Variants in SENP1 observed in about 807,000 individuals in gnomAD.
SENP1 encodes SUMO specific peptidase 1, also known as sentrin-specific protease 1.
In SENP1, 21 loss-of-function variants were observed where a neutral mutation model predicts 93.0. The ratio of observed to expected loss-of-function variants is 0.23; its 90% CI spans 0.16 to 0.33. The LOEUF is 0.33. SENP1 is among the 10% of genes least tolerant of loss of function. The pLI is 1.00. For synonymous variants in SENP1, 256 were observed against 259.6 expected (o/e 0.99, Z 0.13); for missense variants, 591 against 758.7 (o/e 0.78, Z 2.60).
At chr12:48,100,901 G>A (rs1253585226) in intron 2 of SENP1, among the ~76,000 whole-genome samples, 1 of 152,232 alleles carries the variant, frequency 6.6e-6, no homozygotes, top group Non-Finnish European at 1.5e-5. Flanking sequence ...CTAGTACACA[G>A]TAAATGTTTG....
chr12:48,086,732 T>C lies in SENP1; in HGVS notation c.380+2069A>G, dbSNP rs187626033. Among the ~76,000 whole-genome samples, 260 of 152,084 alleles carry C rather than the reference T, an allele frequency of 1.7e-3. 1 individual carries two copies. The highest frequency in any genetic ancestry group is 6.1e-3 in the African/African-American group (253 of 41,466). On this transcript the variant is annotated intron_variant, in intron 5 of 17. Coordinates refer to ENST00000549518, the MANE Select transcript of SENP1 (RefSeq NM_001267594.2). ...AGTAGAACATTATACAGAAAAGTCA[T>C]GTCATTTAAAAAAAGGAGGCTGAGG... is the stretch of plus-strand genomic sequence containing the variant.
intron 5 of SENP1, chr12:48,085,400 C>T (rs1345887417): frequency 4.9e-6 from 6 of 1,232,158 alleles, no homozygotes; most frequent in Non-Finnish European, 4.7e-6. Context: ...GGGGCATGTT[C>T]ACTGCCGAAG....
At chr12:48,048,792 T>C in intron 14 of SENP1, 137 bp downstream of exon 14, 1 of 637,566 alleles carries the variant, frequency 1.6e-6, no homozygotes, top group Non-Finnish European at 2.7e-6. Context: ...TAGATCTATC[T>C]GATTTTAGTC....
chr12:48,048,000 C>G lies in SENP1; in HGVS notation c.1691+1G>C. 6.3e-7 allele frequency: 1 copy of G among 1,592,852 alleles called. No homozygotes were observed. The highest frequency in any genetic ancestry group is 8.6e-7 in the Non-Finnish European group (1 of 1,160,962). ...TCTTCTGTCCTCAACTCCCTACTTA[C>G]AAGAGTATTCTGCAGGCTTCATTGT... On this transcript the variant is annotated splice_donor_variant, in intron 15 of 17. Transcript: ENST00000549518. LOFTEE classifies it high-confidence loss of function.
chr12:48,063,492 T>C, intron 13 of SENP1: 1 of 436,064 alleles, frequency 2.3e-6, no homozygotes, highest in Non-Finnish European at 4.1e-6. Context: ...AAAAGGTAAA[T>C]TCAGTGGTTC....
intron 13 of SENP1, among the ~76,000 whole-genome samples, chr12:48,057,072 T>C (rs1282478093): frequency 1.7e-5 from 1 of 60,574 alleles, no homozygotes; most frequent in Non-Finnish European, 2.4e-5. Flanking sequence ...ATATATTATT[T>C]AATATATTAT....
At chr12:48,106,006 C>A (rs1946549345) in intron 1 of SENP1, 22 bp downstream of exon 1, 1 of 700,796 alleles carries the variant, frequency 1.4e-6, no homozygotes, top group Admixed American at 2.0e-5. Context: ...CACCCCTCCC[C>A]CAGCTTCCCG....
intron 5 of SENP1, among the ~76,000 whole-genome samples, chr12:48,086,443 A>G (rs951490873): frequency 6.6e-6 from 1 of 152,228 alleles, no homozygotes; most frequent in Non-Finnish European, 1.5e-5. Context: ...ATATAACGCC[A>G]AAGTAACATT....
At position 48,063,902 on chromosome 12, in the gene SENP1, T is replaced by C. The variant is rs1943123316; in HGVS notation, c.1276-61A>G. 8.8e-6 allele frequency: 13 copies of C among 1,469,470 alleles called. No individual in the cohort carries two copies. The South Asian group carries it at 1.6e-4, about 18-fold the overall frequency. The allele number at this position is 1,469,470 out of a possible 1,614,324, so 91.0% of individuals were successfully genotyped here. The stretch of plus-strand genomic sequence containing the variant: ...CGTGGCTTCAGAAAAACCGTATTTC[T>C]CACCAAACCCCATATAATCCTCAGA... On this transcript the variant is annotated intron_variant, in intron 12 of 17. Coordinates refer to ENST00000549518, the MANE Select transcript of SENP1 (RefSeq NM_001267594.2).
intron 5 of SENP1, among the ~76,000 whole-genome samples, chr12:48,088,359 ACT>A (rs1945018783): frequency 6.6e-6 from 1 of 151,954 alleles, no homozygotes; most frequent in African/African-American, 2.4e-5. Flanking sequence ...CCGGTCTGTG[ACT>A]CTTTATTTTC....
In SENP1 at chr12:48,044,244, G is replaced by A. The variant is rs1430580147; in HGVS notation, c.*1078C>T. ...GTCCACAAACACCCTACTCATAGGG[G>A]CTGGGATCTCTGTGTGCTGGAATTT... On this transcript the variant is annotated 3_prime_UTR_variant, in exon 18 of 18. Coordinates refer to ENST00000549518, the MANE Select transcript of SENP1 (RefSeq NM_001267594.2). The A allele has an allele frequency of 3.3e-5, 5 of 151,396 alleles. No homozygotes were observed. The highest frequency in any genetic ancestry group is 9.7e-5 in the African/African-American group (4 of 41,086). 9.4% of individuals were successfully genotyped at this position (151,396 alleles called of 1,614,324 possible).
At chr12:48,078,401 A>G (rs1944290018) in intron 6 of SENP1, among the ~76,000 whole-genome samples, 1 of 149,504 alleles carries the variant, frequency 6.7e-6, no homozygotes, top group African/African-American at 2.5e-5. Flanking sequence ...ACACACATAT[A>G]TACACATATA....
At chr12:48,065,414 T>C (rs947735059) in intron 11 of SENP1, among the ~76,000 whole-genome samples, 182 bp downstream of exon 11, 6 of 152,214 alleles carry the variant, frequency 3.9e-5, no homozygotes, top group Non-Finnish European at 7.3e-5. Context: ...ATATTTGTCT[T>C]ATGTACAATG....
intron 4 of SENP1, among the ~76,000 whole-genome samples, chr12:48,092,111 T>C (rs1020473233): frequency 5.3e-5 from 8 of 152,154 alleles, no homozygotes; most frequent in South Asian, 2.1e-4. Flanking sequence ...TCCAATAAAG[T>C]AATAAAGGAG....
intron 10 of SENP1, 134 bp downstream of exon 10, chr12:48,066,793 T>G: frequency 4.2e-6 from 3 of 707,350 alleles, no homozygotes; most frequent in Non-Finnish European, 2.5e-6. Flanking sequence ...ATTACAGGCG[T>G]GAGCCACCGC....
At chr12:48,055,972 T>C (rs1222449097) in intron 13 of SENP1, among the ~76,000 whole-genome samples, 1 of 134,274 alleles carries the variant, frequency 7.4e-6, no homozygotes, top group Non-Finnish European at 1.5e-5. Context: ...TATCAATATA[T>C]AATTTAATAC....
chr12:48,095,704 C>CT (rs1945514004), intron 4 of SENP1, among the ~76,000 whole-genome samples: 1 of 152,076 alleles, frequency 6.6e-6, no homozygotes, highest in Non-Finnish European at 1.5e-5. Context: ...CAACAAAACT[C>CT]TTAGTTTCTC....
chr12:48,081,337 C>T (rs1369774430), intron 6 of SENP1: 1 of 152,006 alleles, frequency 6.6e-6, no homozygotes, highest in East Asian at 1.9e-4. Context: ...TTTAGGAGCA[C>T]ATATACTAAG....
chr12:48,105,039 T>C (rs1946389508), intron 1 of SENP1: 2 of 185,130 alleles, frequency 1.1e-5, no homozygotes, highest in East Asian at 2.7e-4. Context: ...CATGAGTCCT[T>C]AACACAAATT....
Sources: gnomAD v4.1 joint callset for allele counts (sites outside exome capture counted in the v4.1 genomes callset) on GRCh38, gnomAD v4.1.1 for gene constraint, MANE v1.5 for transcripts, NCBI Gene and HGNC (gene_info 2026-07-23, HGNC 2026-07-21) for gene names.